ZCCHC2: variants seen among roughly 807,000 people sequenced by gnomAD.
The protein encoded by ZCCHC2 is zinc finger CCHC-type containing 2, also known as zinc finger CCHC domain-containing protein 2.
Under a neutral mutation model 103.6 loss-of-function variants are expected in ZCCHC2, and 39 were observed. The observed-to-expected ratio is 0.38, with a 90% CI of 0.29 to 0.49. The LOEUF (loss-of-function observed/expected upper bound fraction) is 0.49, where lower values mean the gene tolerates loss of function less well. ZCCHC2 is among the 20% of genes least tolerant of loss of function. The probability of loss-of-function intolerance (pLI) is 0.96; values close to 1 mark genes in which losing one functional copy is unlikely to be tolerated. For synonymous variants in ZCCHC2, 687 were observed against 608.9 expected (o/e 1.13, Z -1.89); for missense variants, 1,483 against 1,491.0 (o/e 0.99, Z 0.09).
intron 5 of ZCCHC2, 21 bp downstream of exon 5, chr18:62,550,481 TA>T: frequency 6.3e-7 from 1 of 1,582,866 alleles, no homozygotes; most frequent in Non-Finnish European, 8.7e-7. Flanking sequence ...ACCTGACGCC[TA>T]TCATAGCAGC....
rs1387369284 is a variant in ZCCHC2, at chr18:62,577,822, C to G, written c.*1243C>G. 6.6e-6 allele frequency: 1 copy of G among 152,058 alleles called. No individual in the cohort carries two copies. Among genetic ancestry groups the G allele is most frequent in the Non-Finnish European group, 1.5e-5 (1 of 67,986 alleles). The allele number at this position is 152,058 out of a possible 1,614,324, so 9.4% of individuals were successfully genotyped here. A position where few individuals can be genotyped will look rare whatever the true frequency, so the allele number is the denominator to read the frequency against. The stretch of plus-strand genomic sequence containing the variant: ...TTGCTTCCAGGTAATTTTTGATTTC[C>G]TAAAGTGCACTGAGGTTATCTGGAA... On this transcript the variant is annotated 3_prime_UTR_variant, in exon 14 of 14. Transcript: ENST00000269499.
At chr18:62,536,369 A>T (rs1914924517) in intron 1 of ZCCHC2, among the ~76,000 whole-genome samples, 2 of 152,168 alleles carry the variant, frequency 1.3e-5, no homozygotes, top group Admixed American at 1.3e-4. Context: ...TGCTTTCTTG[A>T]TACAAACAGA....
chr18:62,566,378 T>C (rs764424243), intron 11 of ZCCHC2, among the ~76,000 whole-genome samples: 3 of 152,220 alleles, frequency 2.0e-5, no homozygotes, highest in Admixed American at 2.0e-4. Context: ...ACTTACTATC[T>C]CTGAGGTTCC....
Position 62,548,975 on chromosome 18 carries a change from T to A in ZCCHC2, c.1201-1373T>A, listed in dbSNP as rs185926522. Reference sequence around the variant, plus strand: ...TGGCTCACGCCTGTAATCCCAGCAATTTGGGGGGTCAGGGCGGGTGGATCA... The same window carrying A: ...TGGCTCACGCCTGTAATCCCAGCAAATTGGGGGGTCAGGGCGGGTGGATCA... On this transcript the variant is annotated intron_variant, in intron 4 of 13. Transcript: ENST00000269499. Among the ~76,000 whole-genome samples, 58 of 151,594 alleles carry A rather than the reference T, an allele frequency of 3.8e-4. No individual in the cohort carries two copies. In the East Asian group the frequency reaches 0.011, roughly 29 times the overall value.
chr18:62,543,996 T>C (rs549286838), intron 3 of ZCCHC2, among the ~76,000 whole-genome samples: 1 of 152,356 alleles, frequency 6.6e-6, no homozygotes, highest in Non-Finnish European at 1.5e-5. Context: ...TTTAGACTTG[T>C]AGATAAAATT....
At chr18:62,573,926 T>C (rs755899303) in intron 12 of ZCCHC2, 131 bp from the exon 13 acceptor site, 5 of 912,990 alleles carry the variant, frequency 5.5e-6, no homozygotes, top group Non-Finnish European at 8.2e-6. Flanking sequence ...GAGGTCAGCT[T>C]GGACAGTCAG....
In ZCCHC2 at chr18:62,556,287, A is replaced by G. The variant is rs1295499095; in HGVS notation, c.1398A>G (p.Leu466=). 1.3e-6 allele frequency: 2 copies of G among 1,599,664 alleles called. No homozygotes were observed. Among genetic ancestry groups the G allele is most frequent in the Non-Finnish European group, 1.7e-6 (2 of 1,172,444 alleles). The change falls in exon 6 of 14, where the codon CTA becomes CTG. Residue 466 remains leucine, a synonymous_variant. Coordinates refer to ENST00000269499, the MANE Select transcript of ZCCHC2 (RefSeq NM_017742.6). The part of the protein sequence containing the change: ...SFFQSISSDS[L]HSINNLQSSL... ...TTCAGTCCATATCATCAGACTCCCT[A>G]CACAGTATCAGTAAGCATCCTCTGT...
Position 62,575,184 on chromosome 18 carries a change from C to T in ZCCHC2, c.3103C>T (p.Pro1035Ser). The stretch of plus-strand genomic sequence containing the variant: ...CCTTCAGCTAAATAGTTACTATTAT[C>T]CTAATCCAATGCCTGGACCAATGTA... ...GNLQLNSYYY[P>S]NPMPGPMYRV... The change falls in exon 13 of 14, where the codon CCT becomes TCT. Residue 1035 changes from proline to serine, a missense_variant. By Grantham distance (74) the Pro-to-Ser change is moderately conservative (BLOSUM62 -1). Transcript: ENST00000269499. 2 of 1,614,050 alleles carry T rather than the reference C, an allele frequency of 1.2e-6. No individual in the cohort carries two copies. The highest frequency in any genetic ancestry group is 1.7e-6 in the Non-Finnish European group (2 of 1,179,896).
intron 1 of ZCCHC2, among the ~76,000 whole-genome samples, chr18:62,535,817 C>T (rs1316728375): frequency 6.6e-6 from 1 of 152,158 alleles, no homozygotes; most frequent in Non-Finnish European, 1.5e-5. Flanking sequence ...TTTAATCCGC[C>T]ACGGAAGCTT....
chr18:62,545,039 T>C (rs766438723), intron 4 of ZCCHC2, among the ~76,000 whole-genome samples, 166 bp downstream of exon 4: 1 of 152,184 alleles, frequency 6.6e-6, no homozygotes, highest in Non-Finnish European at 1.5e-5. Context: ...CTAAAAATGT[T>C]TTCTTACCTG....
intron 3 of ZCCHC2, among the ~76,000 whole-genome samples, chr18:62,543,991 A>C (rs1915309909): frequency 6.6e-6 from 1 of 152,204 alleles, no homozygotes; most frequent in African/African-American, 2.4e-5. Flanking sequence ...CCAATTTTAG[A>C]CTTGTAGATA....
intron 5 of ZCCHC2, among the ~76,000 whole-genome samples, chr18:62,554,551 T>A (rs1015651894): frequency 2.0e-5 from 3 of 152,224 alleles, no homozygotes; most frequent in African/African-American, 7.2e-5. Context: ...GCATGCTGAT[T>A]TCAGTCCCCG....
At chr18:62,541,249 C>A (rs752001501) in intron 2 of ZCCHC2, among the ~76,000 whole-genome samples, 1 of 152,132 alleles carries the variant, frequency 6.6e-6, no homozygotes, top group Non-Finnish European at 1.5e-5. Context: ...CATTTCTGGC[C>A]CGCAAAGGGG....
chr18:62,576,476 G>C (rs898697535), intron 13 of ZCCHC2, 36 bp from the exon 14 acceptor site: 1 of 1,579,672 alleles, frequency 6.3e-7, no homozygotes, highest in Non-Finnish European at 8.7e-7. Flanking sequence ...ACGTTTGCTT[G>C]TAAGCGGTGA....
rs1302136327 is a variant in ZCCHC2, at chr18:62,533,197, A to AT, written c.940-6481dup. 3.9e-5 allele frequency among the ~76,000 whole-genome samples: 6 copies of AT among 152,166 alleles called. No individual in the cohort carries two copies. The East Asian group carries it at 1.2e-3, about 30-fold the overall frequency. Reference sequence around the variant, plus strand: ...TATATATCATCATTGCTCAGTCATAATTTCCTGTGTTTGGACTTGGAAAAT... The same window carrying AT: ...TATATATCATCATTGCTCAGTCATAATTTTCCTGTGTTTGGACTTGGAAAAT... On this transcript the variant is annotated intron_variant, in intron 1 of 13. Coordinates refer to ENST00000269499, the MANE Select transcript of ZCCHC2 (RefSeq NM_017742.6).
intron 1 of ZCCHC2, among the ~76,000 whole-genome samples, chr18:62,534,588 G>T (rs1334400957): frequency 6.6e-6 from 1 of 152,168 alleles, no homozygotes; most frequent in Admixed American, 6.5e-5. Context: ...GGTCACTGAA[G>T]TGAACGCTCT....
chr18:62,525,834 C>T (rs992637216), intron 1 of ZCCHC2: 14 of 152,144 alleles, frequency 9.2e-5, no homozygotes, highest in African/African-American at 2.9e-4. Context: ...CTCCACTCTT[C>T]AGCCTACTCG....
intron 1 of ZCCHC2, among the ~76,000 whole-genome samples, chr18:62,535,750 G>C (rs1032509102): frequency 6.6e-6 from 1 of 152,178 alleles, no homozygotes; most frequent in Non-Finnish European, 1.5e-5. Flanking sequence ...AGATCCACTG[G>C]GTGGGGAATT....
intron 1 of ZCCHC2, 38 bp from the exon 2 acceptor site, chr18:62,539,643 A>G (rs1217188401): frequency 4.0e-6 from 6 of 1,510,360 alleles, no homozygotes; most frequent in East Asian, 2.4e-5. Context: ...CTCTTAGTCC[A>G]TGGTTTAAGT....
Sources: gnomAD v4.1 joint callset for allele counts (sites outside exome capture counted in the v4.1 genomes callset) on GRCh38, gnomAD v4.1.1 for gene constraint, MANE v1.5 for transcripts, NCBI Gene and HGNC (gene_info 2026-07-23, HGNC 2026-07-21) for gene names.